The following SIPA1L1 variants were observed in gnomAD, a reference collection of about 807,000 sequenced individuals.
SIPA1L1 encodes signal induced proliferation associated 1 like 1.
In SIPA1L1, 26 loss-of-function variants were observed where a neutral mutation model predicts 162.7. The observed-to-expected ratio is 0.16, with a 90% CI of 0.12 to 0.22. The LOEUF is 0.22. Ranked by LOEUF, SIPA1L1 falls within the 10% of genes least tolerant of loss-of-function variation. SIPA1L1 has a pLI of 1.00. For synonymous variants in SIPA1L1, 829 were observed against 837.4 expected, an observed-to-expected ratio of 0.99 and a Z score of 0.17; for missense variants, 1,874 against 2,241.0, an observed-to-expected ratio of 0.84 and a Z score of 3.31.
chr14:71,698,973 A>T lies in SIPA1L1; in HGVS notation c.3375-8A>T. On this transcript the variant is annotated splice_region_variant and splice_polypyrimidine_tract_variant and intron_variant, in intron 13 of 23. Coordinates refer to ENST00000381232, the MANE Select transcript of SIPA1L1 (RefSeq NM_001386936.1). The stretch of plus-strand genomic sequence containing the variant: ...TGTTGACTTCATGTTTTTGTATTGC[A>T]CATGCAGGCTGTCTCCTGGTTCGGA... 1 of 1,614,088 alleles carries T rather than the reference A, an allele frequency of 6.2e-7. No individual in the cohort carries two copies.
Position 71,741,085 on chromosome 14 carries a change from C to A in SIPA1L1, c.*1924C>A, listed in dbSNP as rs2085712124. ...GCTTGAGGTTTGCTTATTTGAAAGACCACCCAATAACTCATTGACCCTCCT... is the reference window on the plus strand; with the variant it reads ...GCTTGAGGTTTGCTTATTTGAAAGAACACCCAATAACTCATTGACCCTCCT... On this transcript the variant is annotated 3_prime_UTR_variant, in exon 24 of 24. Coordinates refer to ENST00000381232, the MANE Select transcript of SIPA1L1 (RefSeq NM_001386936.1). 6.6e-6 allele frequency: 1 copy of A among 152,198 alleles called. No individual in the cohort carries two copies. The highest frequency in any genetic ancestry group is 2.4e-5 in the African/African-American group (1 of 41,442). The allele number at this position is 152,198 out of a possible 1,614,324, so 9.4% of individuals were successfully genotyped here. A position where few individuals can be genotyped will look rare whatever the true frequency, so the allele number is the denominator to read the frequency against.
chr14:71,410,557 G>T (rs2042331981), intron 2 of SIPA1L1, among the ~76,000 whole-genome samples: 1 of 152,170 alleles, frequency 6.6e-6, no homozygotes, highest in Non-Finnish European at 1.5e-5. Context: ...AATATTTGTA[G>T]TATACTTACC....
chr14:71,588,155 C>T lies in SIPA1L1; in HGVS notation c.283C>T (p.Arg95Cys), dbSNP rs745592699. 36 of 1,614,008 alleles carry T rather than the reference C, an allele frequency of 2.2e-5. No homozygotes were observed. Among genetic ancestry groups the T allele is most frequent in the African/African-American group, 8.0e-5 (6 of 74,910 alleles). Residue 95 changes from arginine (R) to cysteine (C), a missense_variant, in exon 5 of 24, where the codon CGT becomes TGT. Transcript: ENST00000381232. The surrounding 1 kb of genome is among the most constrained non-coding windows in gnomAD (Gnocchi z 4.3). Reference sequence around the variant, plus strand: ...AAAGGAAAACATAAAAGAATCTAGCCGTTCAAGCCAGGAAATAGAAACCTC... The same window carrying T: ...AAAGGAAAACATAAAAGAATCTAGCTGTTCAAGCCAGGAAATAGAAACCTC... ...PRKENIKESS[R>C]SSQEIETSSC... is the part of the protein sequence containing the mutation.
At chr14:71,511,875 A>C (rs2144383788) in intron 2 of SIPA1L1, among the ~76,000 whole-genome samples, 1 of 152,340 alleles carries the variant, frequency 6.6e-6, no homozygotes, top group Admixed American at 6.5e-5. Context: ...GGACAGCCTC[A>C]GAGAGCTCCC....
At chr14:71,635,664 G>C (rs1475699759) in intron 7 of SIPA1L1, among the ~76,000 whole-genome samples, 2 of 152,078 alleles carry the variant, frequency 1.3e-5, no homozygotes, top group Non-Finnish European at 2.9e-5. Flanking sequence ...ATTCTAAAGA[G>C]CACTCAAGTA....
chr14:71,703,250 T>C (rs944345509), intron 15 of SIPA1L1, among the ~76,000 whole-genome samples: 1 of 152,244 alleles, frequency 6.6e-6, no homozygotes, highest in Non-Finnish European at 1.5e-5. Flanking sequence ...TTTCCTCCTT[T>C]GTTTAATCTC....
chr14:71,328,221 A>G (rs553848701), intron 2 of SIPA1L1, among the ~76,000 whole-genome samples: 1 of 152,338 alleles, frequency 6.6e-6, no homozygotes, highest in African/African-American at 2.4e-5. Flanking sequence ...TAGGATTCAC[A>G]GAAAAGGCTT....
chr14:71,671,043 T>G, intron 10 of SIPA1L1, 76 bp from the exon 11 acceptor site: 5 of 1,219,044 alleles, frequency 4.1e-6, no homozygotes, highest in Non-Finnish European at 5.8e-6. Flanking sequence ...TCTTTGTCTT[T>G]GAGAAAGTAT....
At chr14:71,634,295 G>A (rs559068634) in intron 7 of SIPA1L1, among the ~76,000 whole-genome samples, 12 of 151,576 alleles carry the variant, frequency 7.9e-5, no homozygotes, top group Non-Finnish European at 1.5e-4. Context: ...CCAGCTACTC[G>A]GGAGGCTGAG....
intron 3 of SIPA1L1, among the ~76,000 whole-genome samples, chr14:71,527,469 A>C (rs1186213496): frequency 6.6e-6 from 1 of 152,048 alleles, no homozygotes; most frequent in African/African-American, 2.4e-5. Flanking sequence ...AGCCTCCCAA[A>C]ATGCTGGGAT....
intron 17 of SIPA1L1, among the ~76,000 whole-genome samples, chr14:71,713,405 A>T (rs1333762366): frequency 1.3e-5 from 2 of 152,232 alleles, no homozygotes; most frequent in African/African-American, 4.8e-5. Flanking sequence ...AGTCTTAGTA[A>T]ACTGTCATGT....
At chr14:71,485,002 T>C (rs1365814720) in intron 2 of SIPA1L1, among the ~76,000 whole-genome samples, 1 of 152,188 alleles carries the variant, frequency 6.6e-6, no homozygotes, top group African/African-American at 2.4e-5. Context: ...CCTTACTCCA[T>C]CCCAGCCCTG....
chr14:71,709,677 C>T lies in SIPA1L1; in HGVS notation c.4208+13C>T. On this transcript the variant is annotated intron_variant, in intron 17 of 23. Coordinates refer to ENST00000381232, the MANE Select transcript of SIPA1L1 (RefSeq NM_001386936.1). Reference sequence around the variant, plus strand: ...CTTCCCACACAAGGTAACCACCCTTCCCCGCTGTCTGATTCCCAGCCCAGA... The same window carrying T: ...CTTCCCACACAAGGTAACCACCCTTTCCCGCTGTCTGATTCCCAGCCCAGA... 6.3e-7 allele frequency: 1 copy of T among 1,599,688 alleles called. No individual in the cohort carries two copies. The highest frequency in any genetic ancestry group is 1.3e-5 in the African/African-American group (1 of 74,812).
At chr14:71,604,739 A>G (rs919295401) in intron 5 of SIPA1L1, among the ~76,000 whole-genome samples, 2 of 151,654 alleles carry the variant, frequency 1.3e-5, no homozygotes, top group South Asian at 2.1e-4. Context: ...CTACTGGCTT[A>G]TAAGTTTTCT....
chr14:71,465,820 C>A (rs530641150), intron 2 of SIPA1L1, among the ~76,000 whole-genome samples: 6 of 152,266 alleles, frequency 3.9e-5, no homozygotes, highest in African/African-American at 7.2e-5. Flanking sequence ...CAAGGAGAGC[C>A]AGTCCGAGTC....
At position 71,517,657 on chromosome 14, in the gene SIPA1L1, T is replaced by A. The variant is rs144298172; in HGVS notation, c.-362+4812T>A. On this transcript the variant is annotated intron_variant, in intron 3 of 23. Coordinates refer to ENST00000381232, the MANE Select transcript of SIPA1L1 (RefSeq NM_001386936.1). The stretch of plus-strand genomic sequence containing the variant: ...ATTCCCACCAGAGCATCTGAATGTT[T>A]CCATTGCCCCACAGCTTTGCCACAT... Among the ~76,000 whole-genome samples the A allele has an allele frequency of 2.0e-4, 31 of 152,314 alleles. No individual in the cohort carries two copies. In the East Asian group the frequency reaches 6.0e-3, roughly 29 times the overall value.
chr14:71,607,521 T>C (rs558238232), intron 5 of SIPA1L1, among the ~76,000 whole-genome samples: 3 of 151,950 alleles, frequency 2.0e-5, no homozygotes, highest in South Asian at 2.1e-4. Flanking sequence ...CTACAGAAAA[T>C]TGGCCTGTGA....
intron 6 of SIPA1L1, among the ~76,000 whole-genome samples, 156 bp from the exon 7 acceptor site, chr14:71,623,892 C>T (rs2039704267): frequency 6.6e-6 from 1 of 152,166 alleles, no homozygotes; most frequent in South Asian, 2.1e-4. Flanking sequence ...TATCCTACAT[C>T]ACTTTTCTCA....
At chr14:71,381,839 A>G (rs1298780712) in intron 2 of SIPA1L1, among the ~76,000 whole-genome samples, 1 of 152,182 alleles carries the variant, frequency 6.6e-6, no homozygotes, top group Non-Finnish European at 1.5e-5. Context: ...TAACCTTACT[A>G]TCTTTCTATG....
Sources: allele counts gnomAD v4.1 joint callset (sites outside exome capture counted in the v4.1 genomes callset), GRCh38; gene constraint gnomAD v4.1.1; non-coding constraint Gnocchi (gnomAD v3.1); transcripts MANE v1.5; gene names NCBI Gene and HGNC (gene_info 2026-07-23, HGNC 2026-07-21).